TMEM132B: variants seen among roughly 807,000 people sequenced by gnomAD.
TMEM132B encodes the protein transmembrane protein 132B.
Under a neutral mutation model 90.8 loss-of-function variants are expected in TMEM132B, and 18 were observed. That is an observed-to-expected ratio of 0.20 (90% CI 0.14 to 0.29). The LOEUF (loss-of-function observed/expected upper bound fraction) is 0.29, where lower values mean the gene tolerates loss of function less well. TMEM132B is among the 10% of genes least tolerant of loss of function. The pLI is 1.00. For synonymous variants in TMEM132B, 504 were observed against 523.3 expected, an observed-to-expected ratio of 0.96 and a Z score of 0.50; for missense variants, 1,096 against 1,326.8, an observed-to-expected ratio of 0.83 and a Z score of 2.70.
At chr12:125,583,739 C>A in intron 4 of TMEM132B, 112 bp from the exon 5 acceptor site, 1 of 1,311,182 alleles carries the variant, frequency 7.6e-7, no homozygotes, top group Non-Finnish European at 1.1e-6. Context: ...AGACAACTGT[C>A]TAAATCGCAG....
intron 3 of TMEM132B, among the ~76,000 whole-genome samples, chr12:125,470,804 G>T (rs985795897): frequency 6.6e-6 from 1 of 152,162 alleles, no homozygotes; most frequent in Non-Finnish European, 1.5e-5. Context: ...ACATGGTTTG[G>T]CTCCTTTGAC....
intron 1 of TMEM132B, among the ~76,000 whole-genome samples, chr12:125,331,143 C>T (rs1212384747): frequency 6.6e-6 from 1 of 152,166 alleles, no homozygotes; most frequent in East Asian, 1.9e-4. Context: ...GGGAGCCGGA[C>T]TGGGAGCGGG....
At chr12:125,625,544 C>T (rs1483750890) in intron 5 of TMEM132B, among the ~76,000 whole-genome samples, 1 of 152,088 alleles carries the variant, frequency 6.6e-6, no homozygotes, top group Non-Finnish European at 1.5e-5. Flanking sequence ...ATGGATTTAC[C>T]ACAGTTTATC....
chr12:125,439,591 G>A (rs1393581491), intron 3 of TMEM132B, among the ~76,000 whole-genome samples: 2 of 152,248 alleles, frequency 1.3e-5, no homozygotes, highest in African/African-American at 4.8e-5. Flanking sequence ...TGTTTTCTAG[G>A]TATAGAATCA....
At chr12:125,290,950 T>G (rs777067800) in intron 1 of TMEM132B, among the ~76,000 whole-genome samples, 20 of 152,090 alleles carry the variant, frequency 1.3e-4, no homozygotes, top group Non-Finnish European at 1.6e-4. Context: ...TATGGCACAG[T>G]TGAATTTAAG....
intron 5 of TMEM132B, among the ~76,000 whole-genome samples, chr12:125,626,409 G>C (rs766227813): frequency 6.6e-6 from 1 of 152,104 alleles, no homozygotes; most frequent in Non-Finnish European, 1.5e-5. Context: ...ACCTAGCAGT[G>C]GGATTGCTGG....
intron 2 of TMEM132B, among the ~76,000 whole-genome samples, chr12:125,359,508 A>T (rs1485355422): frequency 6.6e-6 from 1 of 151,916 alleles, no homozygotes. Flanking sequence ...TCCAAATAGT[A>T]TTTTCTGATA....
chr12:125,196,102 C>T (rs918819563), intron 1 of TMEM132B, among the ~76,000 whole-genome samples: 11 of 152,186 alleles, frequency 7.2e-5, no homozygotes. Flanking sequence ...AGGCAAGTGA[C>T]AATGGCTGCT....
rs1458075923 is a variant in TMEM132B, at chr12:125,432,528, T to TATATATATATAG, written c.1106+16852_1106+16853insTATATATATAGA. Among the ~76,000 whole-genome samples the TATATATATATAG allele has an allele frequency of 3.6e-4, 14 of 39,128 alleles. 4 individuals carry two copies. The highest frequency in any genetic ancestry group is 7.4e-4 in the African/African-American group (6 of 8,056). The allele number at this position is 39,128 out of a possible 152,430, so 25.7% of individuals were successfully genotyped here. ...GTGTGTGTGTATATATATATATATATAGAGAGAGAGAGAGAGAGAGAGAGA... is the reference window on the plus strand; with the variant it reads ...GTGTGTGTGTATATATATATATATATATATATATATAGAGAGAGAGAGAGAGAGAGAGAGAGA... On this transcript the variant is annotated intron_variant, in intron 3 of 8. Coordinates refer to ENST00000682704, the MANE Select transcript of TMEM132B (RefSeq NM_001366854.1).
At chr12:125,497,445 T>C (rs1258194720) in intron 3 of TMEM132B, among the ~76,000 whole-genome samples, 3 of 152,228 alleles carry the variant, frequency 2.0e-5, no homozygotes, top group Admixed American at 6.5e-5. Context: ...TACATCATTT[T>C]ATCCTTACAG....
intron 2 of TMEM132B, among the ~76,000 whole-genome samples, chr12:125,379,985 A>G (rs1325975587): frequency 6.6e-6 from 1 of 152,154 alleles, no homozygotes. Context: ...TTTATCTTCA[A>G]TTTGGAAAGG....
chr12:125,222,688 G>A (rs971449278), intron 1 of TMEM132B, among the ~76,000 whole-genome samples: 1 of 152,160 alleles, frequency 6.6e-6, no homozygotes, highest in African/African-American at 2.4e-5. Context: ...TTTACATTTT[G>A]AGCTGGATAA....
chr12:125,339,379 G>A (rs756823874), intron 1 of TMEM132B, among the ~76,000 whole-genome samples: 3 of 152,126 alleles, frequency 2.0e-5, no homozygotes, highest in African/African-American at 4.8e-5. Context: ...GTGTGTGTCC[G>A]TTCTAATTTC....
chr12:125,612,411 T>A (rs981396971), intron 5 of TMEM132B, among the ~76,000 whole-genome samples: 1 of 151,574 alleles, frequency 6.6e-6, no homozygotes, highest in Non-Finnish European at 1.5e-5. Flanking sequence ...TGCAGTGAGC[T>A]GAGATCGCTT....
At chr12:125,444,713 T>C (rs1270037713) in intron 3 of TMEM132B, among the ~76,000 whole-genome samples, 2 of 152,182 alleles carry the variant, frequency 1.3e-5, no homozygotes, top group Non-Finnish European at 2.9e-5. Context: ...AGTTATGCAA[T>C]CAAACACTAA....
chr12:125,515,441 A>T (rs1362945319), intron 3 of TMEM132B, among the ~76,000 whole-genome samples: 1 of 151,466 alleles, frequency 6.6e-6, no homozygotes, highest in East Asian at 2.0e-4. Flanking sequence ...ACACATACAC[A>T]CATTCACACA....
At chr12:125,221,807 C>T (rs181573291) in intron 1 of TMEM132B, among the ~76,000 whole-genome samples, 1 of 152,140 alleles carries the variant, frequency 6.6e-6, no homozygotes, top group South Asian at 2.1e-4. Flanking sequence ...GTGTGACTTG[C>T]GTGGGGCCTT....
rs140182568 is a variant in TMEM132B, at chr12:125,208,753, T to C, written c.67+21887T>C. ...GTTTCTTGCTGAGATGGCCGCGTGG[T>C]AGAAAGGAAGGCCCCTTCCACAGCC... is the stretch of plus-strand genomic sequence containing the variant. On this transcript the variant is annotated intron_variant, in intron 1 of 8. Coordinates refer to ENST00000682704, the MANE Select transcript of TMEM132B (RefSeq NM_001366854.1). Among the ~76,000 whole-genome samples, 24 of 152,208 alleles carry C rather than the reference T, an allele frequency of 1.6e-4. No homozygotes were observed. In the East Asian group the frequency reaches 4.6e-3, roughly 29 times the overall value.
chr12:125,532,277 G>A (rs1377675031), intron 4 of TMEM132B, among the ~76,000 whole-genome samples: 1 of 152,210 alleles, frequency 6.6e-6, no homozygotes, highest in African/African-American at 2.4e-5. Context: ...TGGAATTCCA[G>A]GGGCTTCAGC....
Sources: gnomAD v4.1 joint callset for allele counts (sites outside exome capture counted in the v4.1 genomes callset) on GRCh38, gnomAD v4.1.1 for gene constraint, MANE v1.5 for transcripts, NCBI Gene and HGNC (gene_info 2026-07-23, HGNC 2026-07-21) for gene names.